INTS11: variants seen among roughly 807,000 people sequenced by gnomAD.
INTS11 encodes CPSF3-like protein.
A neutral mutation model predicts 78.6 loss-of-function variants in INTS11; 77 were observed. That is an observed-to-expected ratio of 0.98 (90% CI 0.81 to 1.18). INTS11 has a LOEUF of 1.18. INTS11 is among the 50% of genes most tolerant of loss of function. The probability of loss-of-function intolerance (pLI) is 0.00; values close to 1 mark genes in which losing one functional copy is unlikely to be tolerated. For missense variants in INTS11, 875 were observed against 825.9 expected, an observed-to-expected ratio of 1.06 and a Z score of -0.73; for synonymous variants, 441 against 326.9, an observed-to-expected ratio of 1.35 and a Z score of -3.77.
chr1:1,314,773 G>A lies in INTS11; in HGVS notation c.702+51C>T. ...CAAGGGCAGCCAAGCCTGCCAGAAAGACCAGCCCAGCATGGCCGAGGGCCC... is the reference window on the plus strand; with the variant it reads ...CAAGGGCAGCCAAGCCTGCCAGAAAAACCAGCCCAGCATGGCCGAGGGCCC... On this transcript the variant is annotated intron_variant, in intron 7 of 16. Transcript: ENST00000435064. This position sits in a 1 kb window ranked among gnomAD's most constrained non-coding sequence, Gnocchi z 4.2. 2 of 1,573,992 alleles carry A rather than the reference G, an allele frequency of 1.3e-6. No homozygotes were observed. The highest frequency in any genetic ancestry group is 1.1e-5 in the South Asian group (1 of 87,178).
chr1:1,323,392 C>G lies in INTS11; in HGVS notation c.28+1189G>C, dbSNP rs968939538. On this transcript the variant is annotated intron_variant, in intron 1 of 16. Coordinates refer to ENST00000435064, the MANE Select transcript of INTS11 (RefSeq NM_017871.6). ...TGACTAATTTTTTCCTTCTTCACAT[C>G]GTTCTATACTGTTACGACTTTGACT... 2.3e-5 allele frequency: 30 copies of G among 1,277,678 alleles called. No individual in the cohort carries two copies. The East Asian group carries it at 7.5e-4, about 32-fold the overall frequency. The allele number at this position is 1,277,678 out of a possible 1,614,324, so 79.1% of individuals were successfully genotyped here.
At chr1:1,321,887 T>G in intron 1 of INTS11, 1 of 1,324,064 alleles carries the variant, frequency 7.6e-7, no homozygotes, top group East Asian at 3.1e-5. Flanking sequence ...GTGAACAGTT[T>G]TCCCCTTGAA....
intron 1 of INTS11, chr1:1,321,889 C>T: frequency 1.7e-6 from 2 of 1,200,948 alleles, no homozygotes; most frequent in Non-Finnish European, 2.2e-6. Flanking sequence ...GAACAGTTTT[C>T]CCCTTGAATC....
intron 2 of INTS11, chr1:1,320,751 G>A (rs545973387): frequency 1.4e-4 from 101 of 715,266 alleles, no homozygotes; most frequent in African/African-American, 1.2e-3. Flanking sequence ...TGGAAGCTGA[G>A]CCCAGGGTCT....
intron 6 of INTS11, 120 bp from the exon 7 acceptor site, chr1:1,315,082 A>G (rs1467374880): frequency 3.1e-6 from 4 of 1,274,422 alleles, no homozygotes; most frequent in Non-Finnish European, 4.4e-6. Context: ...CTCTGGCTGG[A>G]AAGAGCCAGC....
Position 1,314,817 on chromosome 1 carries a change from C to T in INTS11, c.702+7G>A. 1.2e-6 allele frequency: 2 copies of T among 1,608,950 alleles called. No homozygotes were observed. Among genetic ancestry groups the T allele is most frequent in the South Asian group, 1.1e-5 (1 of 90,946 alleles). Reference sequence around the variant, plus strand: ...AGGGCCCATGTCCCCACCCCTGCTGCAGCTACCTTCCCACCACGCTCCACG... The same window carrying T: ...AGGGCCCATGTCCCCACCCCTGCTGTAGCTACCTTCCCACCACGCTCCACG... On this transcript the variant is annotated splice_region_variant and intron_variant, in intron 7 of 16. Coordinates refer to ENST00000435064, the MANE Select transcript of INTS11 (RefSeq NM_017871.6). The surrounding 1 kb of genome is among the most constrained non-coding windows in gnomAD (Gnocchi z 4.2).
At chr1:1,315,056 C>A in intron 6 of INTS11, 94 bp from the exon 7 acceptor site, 1 of 1,479,544 alleles carries the variant, frequency 6.8e-7, no homozygotes. Flanking sequence ...CCACGCCCAG[C>A]CGCCTTCCTA....
chr1:1,321,459 G>A (rs1642942561), intron 1 of INTS11, among the ~76,000 whole-genome samples: 1 of 152,260 alleles, frequency 6.6e-6, no homozygotes, highest in African/African-American at 2.4e-5. Context: ...TCACTCCTGG[G>A]CTGTGGCTGG....
chr1:1,320,273 G>C (rs951855651), intron 3 of INTS11, 183 bp downstream of exon 3: 1 of 628,928 alleles, frequency 1.6e-6, no homozygotes, highest in Non-Finnish European at 2.8e-6. Flanking sequence ...CGGAAGAACA[G>C]ACAGAGACCA....
intron 15 of INTS11, 23 bp downstream of exon 15, chr1:1,312,203 G>GGGGGGGGGGGC: frequency 2.5e-6 from 3 of 1,196,352 alleles, no homozygotes; most frequent in Non-Finnish European, 3.5e-6. Flanking sequence ...GGGAGTGGGG[G>GGGGGGGGGGGC]GGGGGCGGGG....
chr1:1,323,595 G>T (rs1282566991), intron 1 of INTS11, among the ~76,000 whole-genome samples: 1 of 150,652 alleles, frequency 6.6e-6, no homozygotes, highest in Non-Finnish European at 1.5e-5. Flanking sequence ...TTTTTTTGGA[G>T]TGATGGGGTC....
At chr1:1,319,267 T>C (rs1642804957) in intron 4 of INTS11, 29 bp downstream of exon 4, 1 of 1,564,816 alleles carries the variant, frequency 6.4e-7, no homozygotes, top group African/African-American at 1.3e-5. Flanking sequence ...GGGCAGTGAC[T>C]GTGCCAGCTG....
chr1:1,317,521 A>T (rs1642691516), intron 4 of INTS11: 4 of 881,890 alleles, frequency 4.5e-6, no homozygotes, highest in Non-Finnish European at 5.4e-6. Context: ...GGAAAGACAA[A>T]CAGATGACGG....
chr1:1,313,666 G>C (rs950954196), intron 9 of INTS11, 66 bp downstream of exon 9: 2 of 1,610,374 alleles, frequency 1.2e-6, no homozygotes, highest in African/African-American at 2.7e-5. Context: ...CCCAAGCCCA[G>C]ACACCTGCGG....
chr1:1,318,624 T>G (rs1244458058), intron 4 of INTS11: 2 of 386,794 alleles, frequency 5.2e-6, no homozygotes, highest in Admixed American at 8.9e-5. Flanking sequence ...CACTCCAGCC[T>G]GGGTAACAAA....
Position 1,312,030 on chromosome 1 carries a change from G to C in INTS11, c.1725C>G (p.Ser575=). The C allele has an allele frequency of 6.3e-7, 1 of 1,576,622 alleles. No individual in the cohort carries two copies. Among genetic ancestry groups the C allele is most frequent in the Non-Finnish European group, 8.6e-7 (1 of 1,161,016 alleles). ...EDPGTKVLLV[S]WTYQDEELGS... is the part of the protein sequence containing the mutation. ...GGTCACCCCTTACCTGGTAGGTCCA[G>C]GAGACCAGCAGCACCTTGGTGCCTG... Residue 575 remains serine, a synonymous_variant, in exon 16 of 17, where the codon TCC becomes TCG. Coordinates refer to ENST00000435064, the MANE Select transcript of INTS11 (RefSeq NM_017871.6).
In INTS11 at chr1:1,314,938, G is replaced by A. The variant is rs12095333; in HGVS notation, c.588C>T (p.Arg196=). 5,887 of 1,612,910 alleles carry A rather than the reference G, an allele frequency of 3.6e-3. 198 individuals carry two copies. In the African/African-American group the frequency reaches 0.067, roughly 18 times the overall value. ...TGGACTCTGTGATGAGCAGGTTGGGGCGGCACTTGTCAATCCAGGCAGCTC... is the reference window on the plus strand; with the variant it reads ...TGGACTCTGTGATGAGCAGGTTGGGACGGCACTTGTCAATCCAGGCAGCTC... ...HLGAAWIDKC[R]PNLLITESTY... is the part of the protein sequence containing the mutation. The change falls in exon 7 of 17, where the codon CGC becomes CGT. Residue 196 remains arginine, a synonymous_variant. Transcript: ENST00000435064. The surrounding 1 kb of genome is among the most constrained non-coding windows in gnomAD (Gnocchi z 4.2).
At chr1:1,315,052 C>G in intron 6 of INTS11, 90 bp from the exon 7 acceptor site, 1 of 1,498,502 alleles carries the variant, frequency 6.7e-7, no homozygotes, top group Non-Finnish European at 9.1e-7. Context: ...AGTACCACGC[C>G]CAGCCGCCTT....
intron 10 of INTS11, 130 bp downstream of exon 10, chr1:1,313,379 C>G (rs1642363675): frequency 9.2e-7 from 1 of 1,089,092 alleles, no homozygotes; most frequent in South Asian, 1.4e-5. Context: ...CGCCCCCGTT[C>G]CCCAGCAGCA....
Sources: gnomAD v4.1 joint callset for allele counts (sites outside exome capture counted in the v4.1 genomes callset) on GRCh38, gnomAD v4.1.1 for gene constraint, Gnocchi (gnomAD v3.1) non-coding constraint, MANE v1.5 for transcripts, NCBI Gene and HGNC (gene_info 2026-07-23, HGNC 2026-07-21) for gene names.